Variants in DCC observed in about 807,000 individuals in gnomAD.
The protein encoded by DCC is DCC netrin 1 receptor.
In DCC, 58 loss-of-function variants were observed where a neutral mutation model predicts 172.5. The observed-to-expected ratio is 0.34, with a 90% CI of 0.27 to 0.42. The LOEUF is 0.42. Among genes scored for constraint, DCC ranks in the 10% least tolerant of loss-of-function variants. DCC has a pLI of 1.00. For missense variants in DCC, 1,740 were observed against 1,791.0 expected (o/e 0.97, Z 0.51); for synonymous variants, 709 against 644.5 (o/e 1.10, Z -1.52).
chr18:53,130,962 A>G (rs1464279433), intron 7 of DCC, among the ~76,000 whole-genome samples: 1 of 152,168 alleles, frequency 6.6e-6, no homozygotes, highest in Non-Finnish European at 1.5e-5. Context: ...CGATCGAATT[A>G]GAGAAAAACT....
chr18:52,697,702 A>G (rs2036037124), intron 1 of DCC, among the ~76,000 whole-genome samples: 1 of 152,226 alleles, frequency 6.6e-6, no homozygotes, highest in African/African-American at 2.4e-5. Flanking sequence ...ATAGACATAG[A>G]TATAAGTGCA....
chr18:53,112,249 C>T (rs1410575003), intron 7 of DCC, among the ~76,000 whole-genome samples: 1 of 151,328 alleles, frequency 6.6e-6, no homozygotes, highest in African/African-American at 2.4e-5. Context: ...ATTAATAGCC[C>T]ATTTTTCTAT....
intron 2 of DCC, among the ~76,000 whole-genome samples, chr18:52,759,685 G>T (rs1250923584): frequency 9.9e-5 from 15 of 152,040 alleles, no homozygotes; most frequent in Admixed American, 9.8e-4. Context: ...AAAACGTCAA[G>T]ATAAAAAAGA....
rs776431466 is a variant in DCC, at chr18:53,456,478, G to A, written c.3393-2754G>A. Among the ~76,000 whole-genome samples, 24 of 152,132 alleles carry A rather than the reference G, an allele frequency of 1.6e-4. 1 individual carries two copies. The highest frequency in any genetic ancestry group is 2.4e-4 in the Non-Finnish European group (16 of 68,028). Reference sequence around the variant, plus strand: ...AAAAGATACATTTGGTATTTGCAGAGGGGCCAAACATGAAATACTCTATGT... The same window carrying A: ...AAAAGATACATTTGGTATTTGCAGAAGGGCCAAACATGAAATACTCTATGT... On this transcript the variant is annotated intron_variant, in intron 23 of 28. Coordinates refer to ENST00000442544, the MANE Select transcript of DCC (RefSeq NM_005215.4).
chr18:52,524,348 A>T (rs945050291), intron 1 of DCC, among the ~76,000 whole-genome samples: 3 of 152,224 alleles, frequency 2.0e-5, no homozygotes, highest in African/African-American at 7.2e-5. Context: ...TTCTAACAAA[A>T]CAAGTAAATT....
intron 1 of DCC, among the ~76,000 whole-genome samples, chr18:52,463,538 G>A (rs1408199818): frequency 6.6e-6 from 1 of 152,162 alleles, no homozygotes; most frequent in African/African-American, 2.4e-5. Context: ...AGGAAGTGAG[G>A]CTTAAGAAGG....
At position 52,868,239 on chromosome 18, in the gene DCC, G is replaced by A. The variant is rs930348333; in HGVS notation, c.413-37805G>A. Among the ~76,000 whole-genome samples the A allele has an allele frequency of 2.0e-5, 3 of 151,986 alleles. No individual in the cohort carries two copies. In the East Asian group the frequency reaches 5.8e-4, roughly 29 times the overall value. On this transcript the variant is annotated intron_variant, in intron 2 of 28. Coordinates refer to ENST00000442544, the MANE Select transcript of DCC (RefSeq NM_005215.4). ...TACTTGTTCTAATAGCAGCCTAATA[G>A]CCTTTTCATGGAAAGCCCATGATGT...
At chr18:52,866,482 G>A (rs1045717434) in intron 2 of DCC, among the ~76,000 whole-genome samples, 4 of 152,180 alleles carry the variant, frequency 2.6e-5, no homozygotes, top group African/African-American at 9.7e-5. Flanking sequence ...ACTTTGGGCA[G>A]TATGGCCATT....
intron 2 of DCC, among the ~76,000 whole-genome samples, chr18:52,870,368 G>A (rs757803550): frequency 6.6e-6 from 1 of 152,176 alleles, no homozygotes; most frequent in African/African-American, 2.4e-5. Context: ...ACCACCACTC[G>A]CACCTTCCCA....
intron 7 of DCC, among the ~76,000 whole-genome samples, chr18:53,099,965 G>A (rs1262305316): frequency 4.3e-5 from 1 of 23,368 alleles, no homozygotes; most frequent in East Asian, 4.3e-4. Flanking sequence ...TTTTTTGTTT[G>A]AGACAGAGTC....
chr18:53,188,642 C>T (rs2055321922), intron 9 of DCC, among the ~76,000 whole-genome samples: 1 of 152,136 alleles, frequency 6.6e-6, no homozygotes, highest in Non-Finnish European at 1.5e-5. Context: ...TCTAGGGCTA[C>T]CTTAACAAAG....
intron 1 of DCC, among the ~76,000 whole-genome samples, chr18:52,472,583 T>A (rs1243073578): frequency 6.6e-6 from 1 of 152,216 alleles, no homozygotes; most frequent in Non-Finnish European, 1.5e-5. Flanking sequence ...ATATATGTTC[T>A]CTCTCTGTTA....
chr18:53,328,942 G>T (rs1055212684), intron 14 of DCC, among the ~76,000 whole-genome samples: 4 of 152,146 alleles, frequency 2.6e-5, no homozygotes, highest in African/African-American at 9.7e-5. Flanking sequence ...CCTTGTTCAT[G>T]ATGGTAAAGC....
chr18:52,429,909 A>G (rs1987564673), intron 1 of DCC, among the ~76,000 whole-genome samples: 1 of 152,164 alleles, frequency 6.6e-6, no homozygotes, highest in South Asian at 2.1e-4. Flanking sequence ...TATTGGGGCT[A>G]CAGAGAAATA....
At chr18:52,550,374 G>A (rs1223732868) in intron 1 of DCC, among the ~76,000 whole-genome samples, 1 of 151,862 alleles carries the variant, frequency 6.6e-6, no homozygotes, top group Non-Finnish European at 1.5e-5. Context: ...AAGGACATCT[G>A]AATAAAGTAT....
chr18:52,671,601 G>A (rs1169974564), intron 1 of DCC, among the ~76,000 whole-genome samples: 1 of 144,436 alleles, frequency 6.9e-6, no homozygotes, highest in African/African-American at 2.6e-5. Context: ...GCACAGTGGT[G>A]TGATCTTGGC....
chr18:52,468,353 A>G (rs1988848424), intron 1 of DCC, among the ~76,000 whole-genome samples: 1 of 152,254 alleles, frequency 6.6e-6, no homozygotes, highest in Non-Finnish European at 1.5e-5. Flanking sequence ...CACAAGGAGC[A>G]GAGACAAAGA....
At chr18:52,788,153 G>A (rs998712567) in intron 2 of DCC, among the ~76,000 whole-genome samples, 3 of 152,110 alleles carry the variant, frequency 2.0e-5, no homozygotes, top group Non-Finnish European at 4.4e-5. Context: ...CAACTTAAAT[G>A]TGTTTAGCTT....
At chr18:52,779,187 GA>G (rs1250720714) in intron 2 of DCC, among the ~76,000 whole-genome samples, 2 of 152,052 alleles carry the variant, frequency 1.3e-5, no homozygotes, top group African/African-American at 4.8e-5. Context: ...TAAGTTCTGG[GA>G]TACATGTGCA....
Sources: allele counts gnomAD v4.1 joint callset (sites outside exome capture counted in the v4.1 genomes callset), GRCh38; gene constraint gnomAD v4.1.1; transcripts MANE v1.5; gene names NCBI Gene and HGNC (gene_info 2026-07-23, HGNC 2026-07-21).